Variants in MYO5B observed in about 807,000 individuals in gnomAD.
MYO5B encodes myosin VB, also known as unconventional myosin-Vb.
Under a neutral mutation model 229.3 loss-of-function variants are expected in MYO5B, and 143 were observed. The ratio of observed to expected loss-of-function variants is 0.62; its 90% CI spans 0.54 to 0.72. MYO5B has a LOEUF of 0.72. MYO5B is among the 30% of genes least tolerant of loss of function. MYO5B has a pLI of 0.00. For missense variants in MYO5B, 2,321 were observed against 2,331.0 expected, an observed-to-expected ratio of 1.00 and a Z score of 0.09; for synonymous variants, 918 against 885.2, an observed-to-expected ratio of 1.04 and a Z score of -0.66.
At chr18:49,890,063 A>T (rs1030030027) in intron 22 of MYO5B, among the ~76,000 whole-genome samples, 1 of 152,166 alleles carries the variant, frequency 6.6e-6, no homozygotes, top group Non-Finnish European at 1.5e-5. Flanking sequence ...CTGATCTTTC[A>T]TGAACAGCAG....
At chr18:50,016,071 A>C (rs2026212396) in intron 4 of MYO5B, among the ~76,000 whole-genome samples, 1 of 152,230 alleles carries the variant, frequency 6.6e-6, no homozygotes, top group Non-Finnish European at 1.5e-5. Context: ...TGACACAGGG[A>C]AAGGGCCAAA....
intron 1 of MYO5B, among the ~76,000 whole-genome samples, chr18:50,095,471 G>T (rs2031533018): frequency 6.6e-6 from 1 of 152,172 alleles, no homozygotes; most frequent in Non-Finnish European, 1.5e-5. Context: ...CCTGGTACTT[G>T]CTTAAATCAT....
At chr18:49,922,878 G>T (rs2025089557) in intron 17 of MYO5B, among the ~76,000 whole-genome samples, 1 of 152,180 alleles carries the variant, frequency 6.6e-6, no homozygotes. Context: ...CCCCTTAAGA[G>T]GCCAGGGGTT....
Position 49,826,599 on chromosome 18 carries a change from G to A in MYO5B, c.5419C>T (p.Pro1807Ser), listed in dbSNP as rs2023849791. ...IQAQLQERND[P>S]QQLLLDAKHM... ...TTGGCATCTAATAGCAGTTGCTGAGGGTCATTCCGCTCTTGTAGTTGTGCC... is the reference window on the plus strand; with the variant it reads ...TTGGCATCTAATAGCAGTTGCTGAGAGTCATTCCGCTCTTGTAGTTGTGCC... Residue 1807 changes from proline to serine, a missense_variant, in exon 40 of 40, where the codon CCT becomes TCT. By Grantham distance (74) the Pro-to-Ser change is moderately conservative. Transcript: ENST00000285039. 2 of 1,613,562 alleles carry A rather than the reference G, an allele frequency of 1.2e-6. No homozygotes were observed. The highest frequency in any genetic ancestry group is 1.7e-5 in the Admixed American group (1 of 60,016).
At chr18:50,075,662 T>C (rs1299328312) in intron 1 of MYO5B, among the ~76,000 whole-genome samples, 1 of 152,154 alleles carries the variant, frequency 6.6e-6, no homozygotes, top group African/African-American at 2.4e-5. Context: ...CTACAGGCTT[T>C]AGGCTTCTAG....
chr18:50,074,546 C>T (rs1409932626), intron 1 of MYO5B, among the ~76,000 whole-genome samples: 1 of 152,170 alleles, frequency 6.6e-6, no homozygotes, highest in African/African-American at 2.4e-5. Context: ...AATTCTAGCT[C>T]GATAGGTCTT....
intron 1 of MYO5B, among the ~76,000 whole-genome samples, chr18:50,077,168 T>TAAAAAAAAAAAAAAAA (rs71169476): frequency 1.2e-5 from 1 of 81,214 alleles, no homozygotes; most frequent in Non-Finnish European, 2.3e-5. Flanking sequence ...TGTGGCAAAG[T>TAAAAAAAAAAAAAAAA]AAAAAAAAAA....
chr18:49,947,538 T>A (rs140112386), intron 14 of MYO5B, among the ~76,000 whole-genome samples: 1 of 152,208 alleles, frequency 6.6e-6, no homozygotes, highest in Non-Finnish European at 1.5e-5. Flanking sequence ...AGTTTTGACA[T>A]ATATAGTGTA....
chr18:50,076,918 A>G (rs1168148878), intron 1 of MYO5B, among the ~76,000 whole-genome samples: 2 of 98,892 alleles, frequency 2.0e-5, no homozygotes, highest in African/African-American at 7.7e-5. Context: ...AGACTAAAAA[A>G]CTGATGTTGC....
At chr18:50,050,681 C>T (rs892639518) in intron 2 of MYO5B, among the ~76,000 whole-genome samples, 3 of 152,196 alleles carry the variant, frequency 2.0e-5, no homozygotes, top group Non-Finnish European at 2.9e-5. Context: ...AAACGCTTCT[C>T]CACACCTTGT....
chr18:50,018,714 C>A (rs2026242799), intron 4 of MYO5B, among the ~76,000 whole-genome samples: 1 of 152,172 alleles, frequency 6.6e-6, no homozygotes, highest in South Asian at 2.1e-4. Context: ...GGCATCCAGG[C>A]TCTAAGCTAT....
At chr18:50,193,983 T>A (rs1264183458) in intron 1 of MYO5B, among the ~76,000 whole-genome samples, 1 of 152,140 alleles carries the variant, frequency 6.6e-6, no homozygotes, top group African/African-American at 2.4e-5. Flanking sequence ...ACACATCCCT[T>A]CTGACCTTGA....
chr18:49,909,248 A>G (rs2024932528), intron 18 of MYO5B, among the ~76,000 whole-genome samples: 1 of 152,232 alleles, frequency 6.6e-6, no homozygotes, highest in Non-Finnish European at 1.5e-5. Context: ...GAGAAAAATA[A>G]AAAGGAGGAA....
intron 1 of MYO5B, among the ~76,000 whole-genome samples, chr18:50,172,540 A>G (rs545530264): frequency 3.8e-4 from 58 of 152,328 alleles, no homozygotes; most frequent in Non-Finnish European, 6.2e-4. Flanking sequence ...ACTCTCCCTC[A>G]ATGATACTGA....
chr18:49,832,573 G>T (rs774164397), intron 39 of MYO5B, among the ~76,000 whole-genome samples: 1 of 152,202 alleles, frequency 6.6e-6, no homozygotes. Flanking sequence ...CTGGGAAATA[G>T]GTTTACAGAA....
At chr18:49,960,269 C>A (rs886193669) in intron 12 of MYO5B, among the ~76,000 whole-genome samples, 1 of 152,310 alleles carries the variant, frequency 6.6e-6, no homozygotes, top group South Asian at 2.1e-4. Flanking sequence ...CAACTGTTCA[C>A]AGTGCAATGT....
chr18:49,972,450 C>G (rs1328640008), intron 10 of MYO5B, among the ~76,000 whole-genome samples: 1 of 152,094 alleles, frequency 6.6e-6, no homozygotes, highest in Non-Finnish European at 1.5e-5. Flanking sequence ...TATAGAAATA[C>G]AACAGAACTG....
At chr18:49,867,266 G>A (rs2024407170) in intron 27 of MYO5B, among the ~76,000 whole-genome samples, 1 of 152,164 alleles carries the variant, frequency 6.6e-6, no homozygotes. Flanking sequence ...AGACTGCTTG[G>A]ATGTGGGAAG....
chr18:50,014,278 G>GAAAAA lies in MYO5B; in HGVS notation c.456-12872_456-12868dup, dbSNP rs374397757. 2.4e-3 allele frequency among the ~76,000 whole-genome samples: 132 copies of GAAAAA among 55,546 alleles called. 1 individual carries two copies. Among genetic ancestry groups the GAAAAA allele is most frequent in the African/African-American group, 5.3e-3 (124 of 23,434 alleles). The allele number at this position is 55,546 out of a possible 152,430, so 36.4% of individuals were successfully genotyped here. On this transcript the variant is annotated intron_variant, in intron 4 of 39. Transcript: ENST00000285039. ...ATTATGGAGAAAATGGATGAGAAAG[G>GAAAAA]AAAAAAAAAAAAAAAAAACTACGGG...
Sources: gnomAD v4.1 joint callset for allele counts (sites outside exome capture counted in the v4.1 genomes callset) on GRCh38, gnomAD v4.1.1 for gene constraint, MANE v1.5 for transcripts, NCBI Gene and HGNC (gene_info 2026-07-23, HGNC 2026-07-21) for gene names.